The following NIBAN2 variants were observed in gnomAD, a reference collection of about 807,000 sequenced individuals.
The protein encoded by NIBAN2 is niban apoptosis regulator 2.
In NIBAN2, 36 loss-of-function variants were observed where a neutral mutation model predicts 81.8. The ratio of observed to expected loss-of-function variants is 0.44; its 90% confidence interval spans 0.34 to 0.58. NIBAN2 has a LOEUF of 0.58. Among genes scored for constraint, NIBAN2 ranks in the 20% least tolerant of loss-of-function variants. The probability of loss-of-function intolerance (pLI) is 0.02; values close to 1 mark genes in which losing one functional copy is unlikely to be tolerated. For missense variants in NIBAN2, 897 were observed against 1,014.1 expected (o/e 0.88, Z 1.57); for synonymous variants, 445 against 441.6 (o/e 1.01, Z -0.10).
intron 1 of NIBAN2, among the ~76,000 whole-genome samples, chr9:127,532,113 C>G (rs1343583688): frequency 6.6e-6 from 1 of 152,180 alleles, no homozygotes; most frequent in African/African-American, 2.4e-5. Context: ...GAGCTGGGGG[C>G]GCCAGGAATG....
At chr9:127,515,612 G>A (rs1259439268) in intron 8 of NIBAN2, among the ~76,000 whole-genome samples, 2 of 151,802 alleles carry the variant, frequency 1.3e-5, no homozygotes, top group Non-Finnish European at 2.9e-5. Flanking sequence ...CGAGGCAGGT[G>A]GATCACTTGA....
In NIBAN2 at chr9:127,510,347, GA is replaced by G. The variant is rs772886226; in HGVS notation, c.974-15del. 1.3e-6 allele frequency: 2 copies of G among 1,579,244 alleles called. No individual in the cohort carries two copies. The highest frequency in any genetic ancestry group is 1.7e-6 in the Non-Finnish European group (2 of 1,156,830). On this transcript the variant is annotated splice_polypyrimidine_tract_variant and intron_variant, in intron 8 of 13. Transcript: ENST00000373312. ...GGAGGATGAAGGCTGTGCCCCGAGG[GA>G]GCCGGGTCAGCAGGGGCTCCCCAAG...
chr9:127,558,150 G>A (rs749060833), intron 1 of NIBAN2, among the ~76,000 whole-genome samples: 6 of 152,122 alleles, frequency 3.9e-5, no homozygotes, highest in Non-Finnish European at 7.4e-5. Flanking sequence ...CACTGTCTGC[G>A]CATAGACGGG....
intron 1 of NIBAN2, among the ~76,000 whole-genome samples, chr9:127,552,139 C>A (rs1837587924): frequency 6.6e-6 from 1 of 152,242 alleles, no homozygotes; most frequent in African/African-American, 2.4e-5. Context: ...AGGTTGAGGA[C>A]CATGGCCGCC....
In NIBAN2 at chr9:127,506,885, G is replaced by C. The variant is rs1042198755; in HGVS notation, c.2201C>G (p.Thr734Ser). 1 of 1,612,634 alleles carries C rather than the reference G, an allele frequency of 6.2e-7. No homozygotes were observed. The highest frequency in any genetic ancestry group is 1.3e-5 in the African/African-American group (1 of 74,932). Reference sequence around the variant, plus strand: ...CACCCCTGCACTGTCCTCGGTGGTGGTGTGGAGGGCGGGGTGGCTGCTGGG... The same window carrying C: ...CACCCCTGCACTGTCCTCGGTGGTGCTGTGGAGGGCGGGGTGGCTGCTGGG... ...SSPSSHPALHTTTEDSAGVQT... is the reference protein window; with the variant it reads ...SSPSSHPALHSTTEDSAGVQT... The change falls in exon 14 of 14, where the codon ACC becomes AGC. Residue 734 changes from threonine (T) to serine (S), a missense_variant. By Grantham distance (58) the Thr-to-Ser change is moderately conservative. This residue lies in a region of NIBAN2 where 619 missense variants were observed against 691.0 expected (regional missense o/e 0.90). Transcript: ENST00000373312.
chr9:127,517,342 C>T lies in NIBAN2; in HGVS notation c.706-126G>A. On this transcript the variant is annotated intron_variant, in intron 6 of 13. Coordinates refer to ENST00000373312, the MANE Select transcript of NIBAN2 (RefSeq NM_022833.4). This position sits in a 1 kb window ranked among gnomAD's most constrained non-coding sequence, Gnocchi z 4.0. ...CCTCCGCGACTGGCCCATTGCTTCACCCTCCCTGCTGCCCTCTCTCCTGAG... is the reference window on the plus strand; with the variant it reads ...CCTCCGCGACTGGCCCATTGCTTCATCCTCCCTGCTGCCCTCTCTCCTGAG... The T allele has an allele frequency of 1.4e-6, 1 of 729,986 alleles. No homozygotes were observed. The highest frequency in any genetic ancestry group is 2.3e-6 in the Non-Finnish European group (1 of 434,280). 45.2% of individuals were successfully genotyped at this position (729,986 alleles called of 1,614,324 possible). A position where few individuals can be genotyped will look rare whatever the true frequency, so the allele number is the denominator to read the frequency against.
upstream of NIBAN2, among the ~76,000 whole-genome samples, chr9:127,572,737 G>A (rs1452386056): frequency 6.6e-6 from 1 of 151,994 alleles, no homozygotes; most frequent in Admixed American, 6.6e-5. Context: ...AAATTGTTGC[G>A]AGGATTTTTT....
chr9:127,550,580 A>G (rs534382814), intron 1 of NIBAN2, among the ~76,000 whole-genome samples: 1 of 152,346 alleles, frequency 6.6e-6, no homozygotes, highest in South Asian at 2.1e-4. Context: ...ATTAGACCAG[A>G]GCTCTGCAGT....
chr9:127,506,574 C>T lies in NIBAN2; in HGVS notation c.*271G>A. The T allele has an allele frequency of 2.7e-6, 1 of 367,228 alleles. No homozygotes were observed. Among genetic ancestry groups the T allele is most frequent in the Non-Finnish European group, 4.9e-6 (1 of 204,844 alleles). The allele number at this position is 367,228 out of a possible 1,614,324, so 22.7% of individuals were successfully genotyped here. A position where few individuals can be genotyped will look rare whatever the true frequency, so the allele number is the denominator to read the frequency against. On this transcript the variant is annotated 3_prime_UTR_variant, in exon 14 of 14. Coordinates refer to ENST00000373312, the MANE Select transcript of NIBAN2 (RefSeq NM_022833.4). ...GGAAGGGAGGGGCTTTCCAGCCCCCCAGCAGTGTCCAGCCCTTGGCACAAG... is the reference window on the plus strand; with the variant it reads ...GGAAGGGAGGGGCTTTCCAGCCCCCTAGCAGTGTCCAGCCCTTGGCACAAG...
chr9:127,526,823 G>A lies in NIBAN2; in HGVS notation c.315+371C>T, dbSNP rs527731858. On this transcript the variant is annotated intron_variant, in intron 3 of 13. Transcript: ENST00000373312. Reference sequence around the variant, plus strand: ...CCTCCAACAGCTCTCTGTGGCTGTCGAGGGTGGGAGGGGTCGGAGGAGAGG... The same window carrying A: ...CCTCCAACAGCTCTCTGTGGCTGTCAAGGGTGGGAGGGGTCGGAGGAGAGG... 9.9e-5 allele frequency among the ~76,000 whole-genome samples: 15 copies of A among 152,184 alleles called. 1 individual carries two copies. Among genetic ancestry groups the A allele is most frequent in the Admixed American group, 6.5e-4 (10 of 15,278 alleles).
intron 1 of NIBAN2, among the ~76,000 whole-genome samples, chr9:127,541,516 C>T (rs552997011): frequency 5.3e-5 from 8 of 152,192 alleles, no homozygotes; most frequent in Non-Finnish European, 8.8e-5. Context: ...CCCTGGCCTC[C>T]GCAGCACCAG....
Position 127,568,856 on chromosome 9 carries a change from T to G in NIBAN2, c.19A>C (p.Thr7Pro). 1 of 1,366,204 alleles carries G rather than the reference T, an allele frequency of 7.3e-7. No homozygotes were observed. Among genetic ancestry groups the G allele is most frequent in the Admixed American group, 2.9e-5 (1 of 34,022 alleles). The allele number at this position is 1,366,204 out of a possible 1,614,324, so 84.6% of individuals were successfully genotyped here. A position where few individuals can be genotyped will look rare whatever the true frequency, so the allele number is the denominator to read the frequency against. Residue 7 changes from threonine (T) to proline (P), a missense_variant, in exon 1 of 14, where the codon ACG becomes CCG. Thr to Pro is a conservative substitution (Grantham distance 38). Around this residue, in one of 3 missense-constraint regions of NIBAN2, gnomAD observed 209 missense variants for 208.4 expected, o/e 1.00. Coordinates refer to ENST00000373312, the MANE Select transcript of NIBAN2 (RefSeq NM_022833.4). ...TGGCGCCGGGCGTCGTCCAGGTGCG[T>G]GGACAGCACGTCCCCCATGGCCAGG... MGDVLS[T>P]HLDDARRQHI...
At chr9:127,516,608 C>T (rs951392434) in intron 8 of NIBAN2, among the ~76,000 whole-genome samples, 7 of 152,062 alleles carry the variant, frequency 4.6e-5, no homozygotes, top group Non-Finnish European at 5.9e-5. Context: ...AAATCTGTGA[C>T]GAGTCAGAGA....
At chr9:127,509,710 C>G (rs1836690379) in intron 9 of NIBAN2, among the ~76,000 whole-genome samples, 1 of 151,894 alleles carries the variant, frequency 6.6e-6, no homozygotes, top group Non-Finnish European at 1.5e-5. Context: ...TTGGAGGGCG[C>G]GTGACTTGTG....
intron 5 of NIBAN2, among the ~76,000 whole-genome samples, chr9:127,518,700 G>C (rs1051915935): frequency 2.6e-5 from 4 of 152,210 alleles, no homozygotes; most frequent in Non-Finnish European, 5.9e-5. Flanking sequence ...TGGCCTCACA[G>C]GTCCACTGCG....
intron 1 of NIBAN2, among the ~76,000 whole-genome samples, chr9:127,577,872 C>T (rs1339771423): frequency 6.6e-6 from 1 of 151,954 alleles, no homozygotes; most frequent in Non-Finnish European, 1.5e-5. Flanking sequence ...TGCACCACTA[C>T]ACCTGGCTTT....
chr9:127,531,256 T>A (rs1248441846), intron 2 of NIBAN2, among the ~76,000 whole-genome samples: 1 of 149,862 alleles, frequency 6.7e-6, no homozygotes, highest in Non-Finnish European at 1.5e-5. Flanking sequence ...GCTAAGGCAG[T>A]CAGATGGCTT....
intron 1 of NIBAN2, among the ~76,000 whole-genome samples, chr9:127,558,645 G>A (rs1031123999): frequency 6.6e-6 from 1 of 152,190 alleles, no homozygotes; most frequent in South Asian, 2.1e-4. Context: ...CAGCCCATCA[G>A]GCCTGCCCAC....
chr9:127,578,828 G>T (rs1838040769), intron 1 of NIBAN2: 2 of 1,244,960 alleles, frequency 1.6e-6, no homozygotes, highest in Non-Finnish European at 1.2e-6. Context: ...CTGCACTCCA[G>T]CCTGAGTGAC....
Sources: gnomAD v4.1 joint callset for allele counts (sites outside exome capture counted in the v4.1 genomes callset) on GRCh38, gnomAD v4.1.1 for gene constraint, gnomAD v4.1.1 regional missense constraint, Gnocchi (gnomAD v3.1) non-coding constraint, MANE v1.5 for transcripts, NCBI Gene and HGNC (gene_info 2026-07-23, HGNC 2026-07-21) for gene names.